Variants in ARHGAP18 observed in about 807,000 individuals in gnomAD.
The protein encoded by ARHGAP18 is Rho GTPase activating protein 18.
ARHGAP18 carries 67 observed loss-of-function variants against 86.2 expected under a neutral mutation model. The ratio of observed to expected loss-of-function variants is 0.78; its 90% confidence interval spans 0.64 to 0.95. The LOEUF (loss-of-function observed/expected upper bound fraction) is 0.95. Ranked by LOEUF, ARHGAP18 falls within the 40% of genes least tolerant of loss-of-function variation. ARHGAP18 has a pLI of 0.00. For missense variants in ARHGAP18, 691 were observed against 780.4 expected (o/e 0.89, Z 1.37); for synonymous variants, 283 against 280.4 (o/e 1.01, Z -0.09).
At chr6:129,608,152 C>A in intron 8 of ARHGAP18, 100 bp from the exon 9 acceptor site, 1 of 1,360,974 alleles carries the variant, frequency 7.3e-7, no homozygotes, top group Non-Finnish European at 9.6e-7. Context: ...TCAAGAGACT[C>A]TGCTCTTTAG....
chr6:129,677,121 G>C (rs897366590), intron 1 of ARHGAP18, among the ~76,000 whole-genome samples: 1 of 151,888 alleles, frequency 6.6e-6, no homozygotes, highest in Non-Finnish European at 1.5e-5. Context: ...GGCCGGGCGC[G>C]GTGGCTCACG....
intron 1 of ARHGAP18, among the ~76,000 whole-genome samples, chr6:129,680,881 A>G: frequency 6.6e-6 from 1 of 152,240 alleles, no homozygotes; most frequent in Middle Eastern, 3.2e-3. Flanking sequence ...GTGAGGAGGC[A>G]TTATGACTTT....
chr6:129,683,474 T>C (rs771080261), intron 1 of ARHGAP18, among the ~76,000 whole-genome samples: 2 of 152,228 alleles, frequency 1.3e-5, no homozygotes, highest in African/African-American at 2.4e-5. Context: ...AAAAACTATA[T>C]CTACTTGCAT....
At chr6:129,598,244 G>A (rs150859440) in intron 12 of ARHGAP18, among the ~76,000 whole-genome samples, 2,352 of 152,160 alleles carry the variant, frequency 0.015, 29 homozygotes, top group Middle Eastern at 0.027. Flanking sequence ...TTCTCTTTAT[G>A]TTTTTAAAGA....
intron 4 of ARHGAP18, among the ~76,000 whole-genome samples, chr6:129,629,827 C>T (rs967372384): frequency 5.3e-5 from 8 of 151,998 alleles, no homozygotes; most frequent in Non-Finnish European, 1.2e-4. Context: ...AATAAAAAAC[C>T]TCAAAAGGTT....
Position 129,642,451 on chromosome 6 carries a change from AT to A in ARHGAP18, c.114-434del, listed in dbSNP as rs879779898. Reference sequence around the variant, plus strand: ...AGGTATATACCATATTGCCCAGCTAATTTTTTTTTTTTTGGCAGACATGGGG... The same window carrying A: ...AGGTATATACCATATTGCCCAGCTAATTTTTTTTTTTTGGCAGACATGGGG... On this transcript the variant is annotated intron_variant, in intron 1 of 14. Transcript: ENST00000368149. Among the ~76,000 whole-genome samples the A allele has an allele frequency of 2.3e-3, 328 of 144,498 alleles. 2 individuals are homozygous for A. The highest frequency in any genetic ancestry group is 0.015 in the East Asian group (73 of 4,964). The allele number at this position is 144,498 out of a possible 152,430, so 94.8% of individuals were successfully genotyped here.
chr6:129,591,616 T>G (rs368738601), intron 12 of ARHGAP18, among the ~76,000 whole-genome samples: 2 of 152,240 alleles, frequency 1.3e-5, no homozygotes, highest in Non-Finnish European at 2.9e-5. Context: ...CATTTTTTCA[T>G]AAGGTATCTA....
chr6:129,657,475 C>T (rs1584095129), intron 1 of ARHGAP18, among the ~76,000 whole-genome samples: 1 of 149,520 alleles, frequency 6.7e-6, no homozygotes, highest in East Asian at 2.0e-4. Flanking sequence ...CCAGACTGGA[C>T]AGGAGCAATT....
At chr6:129,647,899 G>A (rs1040196730) in intron 1 of ARHGAP18, among the ~76,000 whole-genome samples, 1 of 152,140 alleles carries the variant, frequency 6.6e-6, no homozygotes, top group African/African-American at 2.4e-5. Flanking sequence ...ATAGAATCGA[G>A]ATTAATGCCC....
intron 4 of ARHGAP18, among the ~76,000 whole-genome samples, chr6:129,631,010 A>T (rs886661297): frequency 6.6e-6 from 1 of 152,184 alleles, no homozygotes; most frequent in African/African-American, 2.4e-5. Context: ...CCATTTTTTA[A>T]ATTAGAATAC....
At position 129,676,912 on chromosome 6, in the gene ARHGAP18, CCTCTTTTTTTTTT is replaced by C. The variant is rs1403157364; in HGVS notation, c.113+33099_113+33111del. On this transcript the variant is annotated intron_variant, in intron 1 of 14. Coordinates refer to ENST00000368149, the MANE Select transcript of ARHGAP18 (RefSeq NM_033515.3). The stretch of plus-strand genomic sequence containing the variant: ...TGAAAACAGATGAAAAATTTTTTGT[CCTCTTTTTTTTTT>C]TTTTTTTTTTTTTTTTTTTTTTTAA... 4.7e-3 allele frequency among the ~76,000 whole-genome samples: 488 copies of C among 103,874 alleles called. 13 individuals carry two copies. Among genetic ancestry groups the C allele is most frequent in the Middle Eastern group, 0.026 (5 of 190 alleles). The allele number at this position is 103,874 out of a possible 152,430, so 68.1% of individuals were successfully genotyped here.
At chr6:129,624,755 G>A (rs1257813375) in intron 5 of ARHGAP18, among the ~76,000 whole-genome samples, 1 of 151,188 alleles carries the variant, frequency 6.6e-6, no homozygotes, top group Non-Finnish European at 1.5e-5. Flanking sequence ...GACAAGCCTG[G>A]CCAAGATGGT....
chr6:129,702,068 A>G (rs12529067), intron 1 of ARHGAP18, among the ~76,000 whole-genome samples: 14,373 of 152,204 alleles, frequency 0.094, 716 homozygotes, highest in Admixed American at 0.13. Flanking sequence ...AGGAAACCTC[A>G]GTGTTCTTTG....
At chr6:129,643,774 C>T (rs1209185686) in intron 1 of ARHGAP18, among the ~76,000 whole-genome samples, 1 of 151,742 alleles carries the variant, frequency 6.6e-6, no homozygotes, top group East Asian at 1.9e-4. Context: ...AGTGTGTGAA[C>T]ATTCACATTT....
intron 1 of ARHGAP18, among the ~76,000 whole-genome samples, chr6:129,666,593 T>C (rs961518587): frequency 6.6e-6 from 1 of 152,216 alleles, no homozygotes; most frequent in African/African-American, 2.4e-5. Context: ...AGCCACATCC[T>C]GGAGGCCCCC....
At chr6:129,661,956 T>A in intron 1 of ARHGAP18, 1 of 980,316 alleles carries the variant, frequency 1.0e-6, no homozygotes, top group Non-Finnish European at 1.2e-6. Context: ...GACACTGTTG[T>A]CACTACCTGG....
chr6:129,667,572 G>A (rs923483896), intron 1 of ARHGAP18, among the ~76,000 whole-genome samples: 3 of 151,036 alleles, frequency 2.0e-5, no homozygotes, highest in Non-Finnish European at 2.9e-5. Context: ...AATTCCTGCC[G>A]TGAAAGGATT....
intron 8 of ARHGAP18, among the ~76,000 whole-genome samples, chr6:129,610,073 A>AT (rs1270179646): frequency 2.6e-5 from 4 of 151,964 alleles, no homozygotes; most frequent in African/African-American, 9.7e-5. Context: ...CTTTTCTCCT[A>AT]TTTTCTCTTG....
intron 5 of ARHGAP18, among the ~76,000 whole-genome samples, chr6:129,621,852 C>G (rs1455448868): frequency 6.6e-6 from 1 of 152,062 alleles, no homozygotes; most frequent in Non-Finnish European, 1.5e-5. Flanking sequence ...GGTGGGGAAA[C>G]TGAGACTCAG....
Sources: gnomAD v4.1 joint callset for allele counts (sites outside exome capture counted in the v4.1 genomes callset) on GRCh38, gnomAD v4.1.1 for gene constraint, MANE v1.5 for transcripts, NCBI Gene and HGNC (gene_info 2026-07-23, HGNC 2026-07-21) for gene names.